C10orf67: variants seen among roughly 807,000 people sequenced by gnomAD.
C10orf67 encodes the protein uncharacterized protein C10orf67, mitochondrial.
C10orf67 carries 60 observed loss-of-function variants against 35.6 expected under a neutral mutation model. The observed-to-expected ratio is 1.68, with a 90% CI of 1.37 to 2.09. C10orf67 has a LOEUF of 2.09. C10orf67 is among the 30% of genes most tolerant of loss of function. The pLI is 0.00. For missense variants in C10orf67, 474 were observed against 330.2 expected, an observed-to-expected ratio of 1.44 and a Z score of -3.38; for synonymous variants, 167 against 115.8, an observed-to-expected ratio of 1.44 and a Z score of -2.84.
At chr10:23,222,832 T>C (rs1841622234) in intron 15 of C10orf67, among the ~76,000 whole-genome samples, 1 of 152,158 alleles carries the variant, frequency 6.6e-6, no homozygotes, top group Non-Finnish European at 1.5e-5. Flanking sequence ...GGTACTCACC[T>C]GTTGTCCCAG....
chr10:23,281,516 C>T lies in C10orf67; in HGVS notation c.975+497G>A, dbSNP rs536809035. Among the ~76,000 whole-genome samples the T allele has an allele frequency of 5.9e-4, 87 of 148,196 alleles. 1 individual carries two copies. The highest frequency in any genetic ancestry group is 1.6e-3 in the South Asian group (7 of 4,338). On this transcript the variant is annotated intron_variant, in intron 8 of 15. Coordinates refer to ENST00000636213, the MANE Select transcript of C10orf67 (RefSeq NM_001371909.1). Reference sequence around the variant, plus strand: ...TAAGCTGGGCAGGGGGCTGCTGTGGCGGGGCTGGGGGCTGGGGGCTGGGTA... The same window carrying T: ...TAAGCTGGGCAGGGGGCTGCTGTGGTGGGGCTGGGGGCTGGGGGCTGGGTA...
At chr10:23,265,086 G>A (rs986860096) in intron 10 of C10orf67, among the ~76,000 whole-genome samples, 3 of 152,186 alleles carry the variant, frequency 2.0e-5, no homozygotes, top group Non-Finnish European at 4.4e-5. Flanking sequence ...TTTCCCTTGG[G>A]AAATTATACT....
At chr10:23,227,472 G>A (rs1841772560) in intron 13 of C10orf67, among the ~76,000 whole-genome samples, 2 of 152,166 alleles carry the variant, frequency 1.3e-5, no homozygotes, top group Non-Finnish European at 2.9e-5. Context: ...CAAACCCACA[G>A]CCAATATCAC....
chr10:23,330,116 C>A (rs1415424545), intron 2 of C10orf67, among the ~76,000 whole-genome samples: 1 of 152,076 alleles, frequency 6.6e-6, no homozygotes, highest in Non-Finnish European at 1.5e-5. Context: ...AAGAAGACAT[C>A]CTTAATCTGA....
chr10:23,323,950 T>TATAC (rs1845081869), intron 2 of C10orf67, among the ~76,000 whole-genome samples: 2 of 60,476 alleles, frequency 3.3e-5, no homozygotes. Context: ...TATATATATA[T>TATAC]ATACACACAC....
rs113816777 is a variant in C10orf67, at chr10:23,210,410, C to A, written c.1571-6155G>T. Among the ~76,000 whole-genome samples, 31 of 152,170 alleles carry A rather than the reference C, an allele frequency of 2.0e-4. 1 individual carries two copies. The highest frequency in any genetic ancestry group is 3.9e-4 in the Admixed American group (6 of 15,292). ...AAATCAGGAGTCTAAATGGAGTTAA[C>A]CTCAGACTCAATTTTTTTTTCCTTT... On this transcript the variant is annotated intron_variant, in intron 15 of 15. Coordinates refer to ENST00000636213, the MANE Select transcript of C10orf67 (RefSeq NM_001371909.1).
At chr10:23,269,328 A>C (rs1223644658) in intron 8 of C10orf67, among the ~76,000 whole-genome samples, 1 of 152,248 alleles carries the variant, frequency 6.6e-6, no homozygotes, top group East Asian at 1.9e-4. Flanking sequence ...ATTGTCCAAC[A>C]CTAACTCCAA....
intron 15 of C10orf67, among the ~76,000 whole-genome samples, chr10:23,212,327 T>C (rs1356480364): frequency 1.3e-5 from 2 of 152,200 alleles, no homozygotes; most frequent in Non-Finnish European, 2.9e-5. Flanking sequence ...AGCCACCTGG[T>C]TTGTGGTAGC....
intron 15 of C10orf67, among the ~76,000 whole-genome samples, chr10:23,219,065 T>C (rs1051134197): frequency 6.6e-6 from 1 of 152,210 alleles, no homozygotes; most frequent in Non-Finnish European, 1.5e-5. Context: ...GTGCAAAACA[T>C]ACTTATTGAA....
intron 7 of C10orf67, among the ~76,000 whole-genome samples, chr10:23,285,386 T>C (rs1291903559): frequency 6.7e-6 from 1 of 148,614 alleles, no homozygotes; most frequent in African/African-American, 2.4e-5. Context: ...TTATATTATA[T>C]TTATATATTA....
chr10:23,276,721 A>G (rs1345928739), intron 8 of C10orf67, among the ~76,000 whole-genome samples: 1 of 152,168 alleles, frequency 6.6e-6, no homozygotes, highest in African/African-American at 2.4e-5. Flanking sequence ...AACACTAGAT[A>G]TTGCCCATGG....
intron 10 of C10orf67, among the ~76,000 whole-genome samples, chr10:23,252,669 A>G (rs1356777377): frequency 6.6e-6 from 1 of 152,262 alleles, no homozygotes; most frequent in Non-Finnish European, 1.5e-5. Flanking sequence ...TAGATGGAGA[A>G]TGATTCTATT....
At chr10:23,276,259 C>A (rs1190029133) in intron 8 of C10orf67, among the ~76,000 whole-genome samples, 1 of 152,144 alleles carries the variant, frequency 6.6e-6, no homozygotes, top group African/African-American at 2.4e-5. Flanking sequence ...AACAGACAAA[C>A]CCATGACCCA....
At chr10:23,250,902 G>A (rs146547940) in intron 10 of C10orf67, among the ~76,000 whole-genome samples, 31 of 152,124 alleles carry the variant, frequency 2.0e-4, no homozygotes, top group African/African-American at 5.8e-4. Flanking sequence ...GTTTGAGACC[G>A]GTCTGGGCAA....
rs375600867 is a variant in C10orf67 at position 23,235,839 on chromosome 10, G to A, written c.1434+3890C>T. Among the ~76,000 whole-genome samples, 3 of 152,128 alleles carry A rather than the reference G, an allele frequency of 2.0e-5. No individual in the cohort carries two copies. The East Asian group carries it at 5.8e-4, about 29-fold the overall frequency. Reference sequence around the variant, plus strand: ...AATTTAAAAACTAACAATATTGGGTGGGCACTGTGGCTCACACATGTAATC... The same window carrying A: ...AATTTAAAAACTAACAATATTGGGTAGGCACTGTGGCTCACACATGTAATC... On this transcript the variant is annotated intron_variant, in intron 13 of 15. Transcript: ENST00000636213.
intron 8 of C10orf67, among the ~76,000 whole-genome samples, chr10:23,279,769 G>A (rs1053770716): frequency 2.6e-5 from 4 of 151,754 alleles, no homozygotes; most frequent in African/African-American, 9.7e-5. Flanking sequence ...ATCACTCTAG[G>A]TTGCATTGCT....
chr10:23,299,327 T>C (rs960601346), intron 5 of C10orf67, among the ~76,000 whole-genome samples: 1 of 152,112 alleles, frequency 6.6e-6, no homozygotes, highest in African/African-American at 2.4e-5. Context: ...GGTACTGCCT[T>C]TGGTAGGAAA....
At chr10:23,302,039 C>T (rs191830124) in intron 5 of C10orf67, among the ~76,000 whole-genome samples, 25 of 151,884 alleles carry the variant, frequency 1.6e-4, no homozygotes, top group African/African-American at 5.1e-4. Flanking sequence ...GGACGGTGAG[C>T]GAAAGCTCAG....
chr10:23,244,143 G>A (rs1375847653), intron 12 of C10orf67, among the ~76,000 whole-genome samples: 1 of 152,070 alleles, frequency 6.6e-6, no homozygotes, highest in Non-Finnish European at 1.5e-5. Flanking sequence ...CTTCTGCCTT[G>A]GTCTCTCAAA....
Sources: gnomAD v4.1 joint callset for allele counts (sites outside exome capture counted in the v4.1 genomes callset) on GRCh38, gnomAD v4.1.1 for gene constraint, MANE v1.5 for transcripts, NCBI Gene and HGNC (gene_info 2026-07-23, HGNC 2026-07-21) for gene names.